CAP2: variants seen among roughly 807,000 people sequenced by gnomAD.
The protein encoded by CAP2 is adenylyl cyclase-associated protein 2.
Under a neutral mutation model 57.7 loss-of-function variants are expected in CAP2, and 24 were observed. The observed-to-expected ratio is 0.42, with a 90% CI of 0.30 to 0.58. CAP2 has a LOEUF of 0.58. Ranked by LOEUF, CAP2 falls within the 20% of genes least tolerant of loss-of-function variation. CAP2 has a pLI of 0.22. For missense variants in CAP2, 501 were observed against 590.3 expected (o/e 0.85, Z 1.57); for synonymous variants, 194 against 207.2 (o/e 0.94, Z 0.55).
intron 9 of CAP2, among the ~76,000 whole-genome samples, chr6:17,541,930 A>C (rs1762912075): frequency 6.6e-6 from 1 of 152,130 alleles, no homozygotes; most frequent in South Asian, 2.1e-4. Flanking sequence ...GTGGTGGTAA[A>C]ATAGACGTAG....
intron 7 of CAP2, among the ~76,000 whole-genome samples, chr6:17,527,648 G>A (rs1762541589): frequency 6.8e-6 from 1 of 146,028 alleles, no homozygotes; most frequent in African/African-American, 2.6e-5. Context: ...CCAGGCTGGA[G>A]TGCAGTGGCA....
intron 4 of CAP2, among the ~76,000 whole-genome samples, chr6:17,495,919 C>T (rs1455949245): frequency 1.3e-5 from 2 of 149,082 alleles, no homozygotes; most frequent in Non-Finnish European, 2.9e-5. Flanking sequence ...GCAGAAAAGA[C>T]AGCAACAGAG....
At chr6:17,532,727 G>A (rs189131628) in intron 7 of CAP2, among the ~76,000 whole-genome samples, 1,318 of 124,700 alleles carry the variant, frequency 0.011, 18 homozygotes, top group African/African-American at 0.039. Context: ...CAGCCTGGGC[G>A]ACTGAGCGAT....
chr6:17,486,488 C>A (rs572839649), intron 4 of CAP2, among the ~76,000 whole-genome samples: 2 of 152,244 alleles, frequency 1.3e-5, no homozygotes, highest in South Asian at 4.2e-4. Context: ...CACCTGTAGT[C>A]CCAGCTACTC....
intron 11 of CAP2, among the ~76,000 whole-genome samples, chr6:17,551,218 C>T (rs1160607491): frequency 6.6e-6 from 1 of 152,078 alleles, no homozygotes; most frequent in East Asian, 1.9e-4. Flanking sequence ...TTAATTTTGT[C>T]TCAGGAAAGA....
At chr6:17,551,741 G>T in intron 12 of CAP2, 137 bp downstream of exon 12, 1 of 649,568 alleles carries the variant, frequency 1.5e-6, no homozygotes, top group Non-Finnish European at 2.6e-6. Context: ...AATTCAGGGA[G>T]CTGTCTTCCA....
At chr6:17,452,294 G>A (rs1477283467) in intron 3 of CAP2, among the ~76,000 whole-genome samples, 4 of 152,116 alleles carry the variant, frequency 2.6e-5, no homozygotes, top group African/African-American at 7.2e-5. Flanking sequence ...TTAACTCTTC[G>A]CGTTAGACTG....
At position 17,524,917 on chromosome 6, in the gene CAP2, G is replaced by A. The variant is rs537036891; in HGVS notation, c.636+10963G>A. ...TCTTTTTTTTTTTTTTTTTGAGTTG[G>A]AGTTTCGCTCTTGTCACCCAGGCTG... On this transcript the variant is annotated intron_variant, in intron 7 of 12. Coordinates refer to ENST00000229922, the MANE Select transcript of CAP2 (RefSeq NM_006366.3). Among the ~76,000 whole-genome samples the A allele has an allele frequency of 4.1e-4, 53 of 130,742 alleles. 1 individual carries two copies. The highest frequency in any genetic ancestry group is 9.4e-3 in the Middle Eastern group (2 of 212). 85.8% of individuals were successfully genotyped at this position (130,742 alleles called of 152,430 possible).
chr6:17,460,028 A>C (rs999049479), intron 3 of CAP2, among the ~76,000 whole-genome samples: 9 of 152,220 alleles, frequency 5.9e-5, no homozygotes, highest in South Asian at 2.1e-4. Flanking sequence ...TTCAAAACGC[A>C]AACATATCTT....
chr6:17,532,134 CTT>C (rs35428314), intron 7 of CAP2, among the ~76,000 whole-genome samples: 1,267 of 85,966 alleles, frequency 0.015, 6 homozygotes, highest in Non-Finnish European at 0.019. Flanking sequence ...GTTTGAAAAT[CTT>C]TTTTTTTTTT....
intron 4 of CAP2, among the ~76,000 whole-genome samples, chr6:17,471,569 A>C (rs1282209327): frequency 6.6e-6 from 1 of 152,216 alleles, no homozygotes; most frequent in African/African-American, 2.4e-5. Flanking sequence ...ACGGTGGCTC[A>C]AGCCTGTAAT....
At chr6:17,506,625 G>C (rs1761992048) in intron 4 of CAP2, among the ~76,000 whole-genome samples, 1 of 142,478 alleles carries the variant, frequency 7.0e-6, no homozygotes, top group African/African-American at 2.6e-5. Context: ...GGGACAGAGT[G>C]AGACTCCATC....
chr6:17,471,901 G>T (rs1457481226), intron 4 of CAP2, among the ~76,000 whole-genome samples: 1 of 152,164 alleles, frequency 6.6e-6, no homozygotes, highest in African/African-American at 2.4e-5. Flanking sequence ...TTTAGCCGTG[G>T]TATTTCCCAG....
chr6:17,411,879 G>A (rs921772144), intron 1 of CAP2, among the ~76,000 whole-genome samples: 2 of 152,154 alleles, frequency 1.3e-5, no homozygotes, highest in African/African-American at 4.8e-5. Flanking sequence ...AAGGGGCAAC[G>A]TGGGGACACA....
intron 7 of CAP2, among the ~76,000 whole-genome samples, chr6:17,515,365 C>G (rs1453486257): frequency 6.6e-6 from 1 of 152,118 alleles, no homozygotes; most frequent in African/African-American, 2.4e-5. Context: ...GAACAGAATG[C>G]CAATACCGTG....
chr6:17,483,974 T>A (rs1352432925), intron 4 of CAP2, among the ~76,000 whole-genome samples: 1 of 151,674 alleles, frequency 6.6e-6, no homozygotes. Flanking sequence ...CTGCTTGGAG[T>A]TGTGTGAGTC....
At chr6:17,414,283 C>CT (rs1421392300) in intron 1 of CAP2, among the ~76,000 whole-genome samples, 7 of 143,552 alleles carry the variant, frequency 4.9e-5, no homozygotes, top group African/African-American at 1.8e-4. Context: ...TTTATTTCTT[C>CT]TTAAAAAAAA....
intron 3 of CAP2, among the ~76,000 whole-genome samples, chr6:17,459,717 C>G (rs1021715029): frequency 2.6e-5 from 4 of 151,522 alleles, no homozygotes; most frequent in Non-Finnish European, 4.4e-5. Flanking sequence ...TACATTAATG[C>G]AAAAAAGATA....
intron 12 of CAP2, among the ~76,000 whole-genome samples, chr6:17,554,324 G>A (rs1026216662): frequency 2.6e-5 from 4 of 152,214 alleles, no homozygotes; most frequent in Non-Finnish European, 5.9e-5. Context: ...CAGAGACAAT[G>A]GAGAGGGTGG....
Sources: allele counts gnomAD v4.1 joint callset (sites outside exome capture counted in the v4.1 genomes callset), GRCh38; gene constraint gnomAD v4.1.1; transcripts MANE v1.5; gene names NCBI Gene and HGNC (gene_info 2026-07-23, HGNC 2026-07-21).